LARS1: variants seen among roughly 807,000 people sequenced by gnomAD.
The protein encoded by LARS1 is leucyl-tRNA synthetase 1.
In LARS1, 100 loss-of-function variants were observed where a neutral mutation model predicts 162.8. That is an observed-to-expected ratio of 0.61 (90% CI 0.52 to 0.73). LARS1 has a LOEUF of 0.73. Ranked by LOEUF, LARS1 falls within the 30% of genes least tolerant of loss-of-function variation. LARS1 has a pLI of 0.00. For synonymous variants in LARS1, 457 were observed against 462.8 expected, an observed-to-expected ratio of 0.99 and a Z score of 0.16; for missense variants, 1,258 against 1,408.9, an observed-to-expected ratio of 0.89 and a Z score of 1.71.
intron 2 of LARS1, among the ~76,000 whole-genome samples, chr5:146,174,341 A>T (rs916662489): frequency 6.7e-6 from 1 of 149,052 alleles, no homozygotes; most frequent in Non-Finnish European, 1.5e-5. Flanking sequence ...GCTACAGGGG[A>T]GGCTGAGGCA....
Position 146,177,359 on chromosome 5 carries a change from G to A in LARS1, c.125+188C>T, listed in dbSNP as rs369561892. Among the ~76,000 whole-genome samples, 271 of 150,494 alleles carry A rather than the reference G, an allele frequency of 1.8e-3. 1 individual carries two copies. The highest frequency in any genetic ancestry group is 6.4e-3 in the African/African-American group (262 of 41,072). ...TGGGTGCCTGTAGTCCCAGCTGCTCGGGAGGCTGAGGCAGGAGAATGGCAT... is the reference window on the plus strand; with the variant it reads ...TGGGTGCCTGTAGTCCCAGCTGCTCAGGAGGCTGAGGCAGGAGAATGGCAT... On this transcript the variant is annotated intron_variant, in intron 2 of 31. Coordinates refer to ENST00000394434, the MANE Select transcript of LARS1 (RefSeq NM_020117.11).
chr5:146,168,123 C>T lies in LARS1; in HGVS notation c.432+5G>A. On this transcript the variant is annotated splice_donor_5th_base_variant and intron_variant, in intron 5 of 31. Transcript: ENST00000394434. ...AACCAACATAAATATCAACCACTATCAAACCTTTTTTCCTTTAGCTTTATC... is the reference window on the plus strand; with the variant it reads ...AACCAACATAAATATCAACCACTATTAAACCTTTTTTCCTTTAGCTTTATC... 1 of 1,595,370 alleles carries T rather than the reference C, an allele frequency of 6.3e-7. No individual in the cohort carries two copies. The highest frequency in any genetic ancestry group is 8.6e-7 in the Non-Finnish European group (1 of 1,168,158).
intron 2 of LARS1, among the ~76,000 whole-genome samples, chr5:146,174,442 T>C (rs1470516141): frequency 7.7e-6 from 1 of 129,162 alleles, no homozygotes; most frequent in Non-Finnish European, 1.7e-5. Context: ...CAAAACTCTG[T>C]CTCAAATATA....
Position 146,177,586 on chromosome 5 carries a change from ACT to A in LARS1, c.84_85del (p.Arg28SerfsTer3), listed in dbSNP as rs863224048. The A allele has an allele frequency of 1.9e-6, 3 of 1,602,116 alleles. No individual in the cohort carries two copies. Among genetic ancestry groups the A allele is most frequent in the Admixed American group, 1.7e-5 (1 of 59,252 alleles). The stretch of plus-strand genomic sequence containing the variant: ...TAAATTAGATGCATTGACCTCAAAC[ACT>A]CTCTCAGTATCCCATTTCTGTTGGA... On this transcript the variant is annotated frameshift_variant, in exon 2 of 32. Coordinates refer to ENST00000394434, the MANE Select transcript of LARS1 (RefSeq NM_020117.11). LOFTEE classifies it high-confidence loss of function.
intron 31 of LARS1, among the ~76,000 whole-genome samples, chr5:146,120,163 T>C (rs907550440): frequency 3.3e-5 from 5 of 152,158 alleles, no homozygotes; most frequent in Non-Finnish European, 4.4e-5. Flanking sequence ...AAAATCAGTT[T>C]TGAGCTTAAG....
chr5:146,164,583 C>T, intron 5 of LARS1, 112 bp from the exon 6 acceptor site: 1 of 981,860 alleles, frequency 1.0e-6, no homozygotes, highest in Non-Finnish European at 1.6e-6. Context: ...AATGCTGATA[C>T]ATCAGAACAC....
At position 146,129,767 on chromosome 5, in the gene LARS1, T is replaced by G. The variant is rs1275753242; in HGVS notation, c.2628+251A>C. On this transcript the variant is annotated intron_variant, in intron 25 of 31. Transcript: ENST00000394434. The stretch of plus-strand genomic sequence containing the variant: ...TTTTAAGCAGCTCATAACAATTGTT[T>G]ATATCTTTCTCAATATTTTCACCTT... Among the ~76,000 whole-genome samples the G allele has an allele frequency of 2.0e-5, 3 of 152,208 alleles. No individual in the cohort carries two copies. The South Asian group carries it at 6.2e-4, about 31-fold the overall frequency.
At chr5:146,157,995 C>T (rs922224442) in intron 8 of LARS1, among the ~76,000 whole-genome samples, 200 bp from the exon 9 acceptor site, 2 of 152,050 alleles carry the variant, frequency 1.3e-5, no homozygotes, top group Non-Finnish European at 2.9e-5. Context: ...TTGGAGTAAT[C>T]GCCCAAAATA....
At chr5:146,117,204 C>A (rs181896809) in intron 31 of LARS1, among the ~76,000 whole-genome samples, 2 of 152,120 alleles carry the variant, frequency 1.3e-5, no homozygotes, top group African/African-American at 4.8e-5. Flanking sequence ...TACAATTCTG[C>A]AGAACCTAGT....
intron 1 of LARS1, among the ~76,000 whole-genome samples, chr5:146,181,864 T>TTTTC (rs1754874711): frequency 7.3e-6 from 1 of 137,592 alleles, no homozygotes; most frequent in African/African-American, 2.8e-5. Flanking sequence ...TTTTTTTTTT[T>TTTTC]TTTTTTTTTT....
intron 31 of LARS1, among the ~76,000 whole-genome samples, 193 bp from the exon 32 acceptor site, chr5:146,114,504 C>T (rs931054652): frequency 6.6e-6 from 1 of 151,774 alleles, no homozygotes; most frequent in Non-Finnish European, 1.5e-5. Context: ...AAGGCTGAGG[C>T]GGGTGAATCA....
intron 2 of LARS1, among the ~76,000 whole-genome samples, chr5:146,173,260 C>T (rs146194538): frequency 6.6e-6 from 1 of 151,650 alleles, no homozygotes; most frequent in Non-Finnish European, 1.5e-5. Flanking sequence ...AATCAAGAAT[C>T]GCCTGATCAT....
intron 23 of LARS1, 53 bp downstream of exon 23, chr5:146,132,845 G>A: frequency 2.3e-6 from 3 of 1,300,074 alleles, no homozygotes; most frequent in Admixed American, 2.4e-5. Context: ...AAACAAAAAT[G>A]CACCAGGACT....
At chr5:146,126,629 T>C (rs1031812482) in intron 27 of LARS1, 84 bp from the exon 28 acceptor site, 16 of 837,838 alleles carry the variant, frequency 1.9e-5, no homozygotes, top group East Asian at 2.6e-5. Context: ...AGGCATAGAA[T>C]GGTGGCCTCT....
intron 1 of LARS1, 30 bp downstream of exon 1, chr5:146,182,458 C>A: frequency 8.7e-6 from 14 of 1,613,806 alleles, no homozygotes; most frequent in South Asian, 2.2e-5. Flanking sequence ...GGCTCCAGGG[C>A]CCCTGCGGAT....
Position 146,130,146 on chromosome 5 carries a change from T to C in LARS1, c.2500A>G (p.Lys834Glu). 2 of 1,612,966 alleles carry C rather than the reference T, an allele frequency of 1.2e-6. No homozygotes were observed. Among genetic ancestry groups the C allele is most frequent in the Middle Eastern group, 1.6e-4 (1 of 6,062 alleles). ...GFFEFQAAKD[K>E]YRELAVEGMH... ...CCTTCCACAGCCAATTCACGGTACT[T>C]ATCTTTTGCGGCCTATAAAATTTGA... Residue 834 changes from lysine (K) to glutamate (E), a missense_variant, in exon 25 of 32, where the codon AAG becomes GAG. Physicochemically the swap from Lys to Glu is moderately conservative, Grantham distance 56 (BLOSUM62 1). Transcript: ENST00000394434.
chr5:146,140,287 G>C (rs1231855451), intron 20 of LARS1, 26 bp from the exon 21 acceptor site: 1 of 1,576,676 alleles, frequency 6.3e-7, no homozygotes, highest in Non-Finnish European at 8.7e-7. Context: ...TTTAAAGATA[G>C]AAAATAAAAA....
intron 10 of LARS1, among the ~76,000 whole-genome samples, chr5:146,156,059 T>C (rs1373469458): frequency 1.3e-5 from 2 of 152,174 alleles, no homozygotes; most frequent in East Asian, 3.8e-4. Flanking sequence ...AAGCAAGATG[T>C]GGTACAATGC....
At chr5:146,127,505 A>G (rs1053032662) in intron 27 of LARS1, among the ~76,000 whole-genome samples, 4 of 152,098 alleles carry the variant, frequency 2.6e-5, no homozygotes, top group South Asian at 4.1e-4. Context: ...TAGCAAATGA[A>G]TAGTAAGTAA....
Sources: gnomAD v4.1 joint callset for allele counts (sites outside exome capture counted in the v4.1 genomes callset) on GRCh38, gnomAD v4.1.1 for gene constraint, MANE v1.5 for transcripts, NCBI Gene and HGNC (gene_info 2026-07-23, HGNC 2026-07-21) for gene names.